The following EXOC4 variants were observed in gnomAD, a reference collection of about 807,000 sequenced individuals.
The protein encoded by EXOC4 is SEC8-like 1.
A neutral mutation model predicts 107.2 loss-of-function variants in EXOC4; 71 were observed. The observed-to-expected ratio is 0.66, with a 90% CI of 0.55 to 0.81. The LOEUF (loss-of-function observed/expected upper bound fraction) is 0.81, where lower values mean the gene tolerates loss of function less well. EXOC4 is among the 30% of genes least tolerant of loss of function. The pLI, the probability that EXOC4 is intolerant of heterozygous loss-of-function variation, is 0.00. For synonymous variants in EXOC4, 456 were observed against 441.2 expected, an observed-to-expected ratio of 1.03 and a Z score of -0.42; for missense variants, 1,108 against 1,189.6, an observed-to-expected ratio of 0.93 and a Z score of 1.01.
chr7:133,485,612 T>G (rs1799254866), intron 9 of EXOC4, among the ~76,000 whole-genome samples: 1 of 152,228 alleles, frequency 6.6e-6, no homozygotes, highest in African/African-American at 2.4e-5. Context: ...TTTCTTAATA[T>G]GTACATGTCT....
chr7:133,661,673 A>AAAAAG (rs1793683938), intron 10 of EXOC4, among the ~76,000 whole-genome samples: 1 of 20,566 alleles, frequency 4.9e-5, no homozygotes, highest in Non-Finnish European at 1.2e-4. Flanking sequence ...CCTTAAAACT[A>AAAAAG]AAAAAAAAAA....
At chr7:133,389,266 T>C (rs1241397148) in intron 7 of EXOC4, among the ~76,000 whole-genome samples, 1 of 151,984 alleles carries the variant, frequency 6.6e-6, no homozygotes, top group African/African-American at 2.4e-5. Context: ...CCTTTTAGGC[T>C]TAACTATAAG....
chr7:133,823,881 T>TA (rs1563014983), intron 11 of EXOC4, among the ~76,000 whole-genome samples: 2 of 19,830 alleles, frequency 1.0e-4, no homozygotes, highest in South Asian at 2.1e-3. Flanking sequence ...ATTATATATA[T>TA]ATATATATAT....
intron 9 of EXOC4, among the ~76,000 whole-genome samples, chr7:133,599,249 C>T (rs956795148): frequency 1.3e-5 from 2 of 152,148 alleles, no homozygotes; most frequent in Non-Finnish European, 2.9e-5. Context: ...TATAAAGCCT[C>T]ATCTCTTAAT....
intron 9 of EXOC4, among the ~76,000 whole-genome samples, chr7:133,514,428 C>T (rs185357821): frequency 1.3e-5 from 2 of 152,276 alleles, no homozygotes. Flanking sequence ...TTCCAAAGTG[C>T]TGGGATTACA....
intron 7 of EXOC4, among the ~76,000 whole-genome samples, chr7:133,423,787 T>C (rs1177977441): frequency 6.6e-6 from 1 of 151,934 alleles, no homozygotes; most frequent in Admixed American, 6.6e-5. Flanking sequence ...GCGCAGGCCT[T>C]GTGGCCGGCA....
At chr7:133,800,168 T>A (rs992272622) in intron 10 of EXOC4, among the ~76,000 whole-genome samples, 1 of 152,060 alleles carries the variant, frequency 6.6e-6, no homozygotes, top group African/African-American at 2.4e-5. Flanking sequence ...TTAAGTTAGG[T>A]AATGAATGTG....
intron 10 of EXOC4, among the ~76,000 whole-genome samples, chr7:133,648,271 G>C (rs1329551087): frequency 6.6e-6 from 1 of 152,106 alleles, no homozygotes; most frequent in Non-Finnish European, 1.5e-5. Flanking sequence ...ATAGGTCTTG[G>C]TCTGAAGTGA....
chr7:133,585,914 C>G (rs188507080), intron 9 of EXOC4, among the ~76,000 whole-genome samples: 166 of 152,052 alleles, frequency 1.1e-3, no homozygotes, highest in African/African-American at 3.6e-3. Flanking sequence ...AGGCTGGTCT[C>G]GAACTCCTGA....
chr7:133,563,860 C>T lies in EXOC4; in HGVS notation c.1418-66185C>T, dbSNP rs554315338. Among the ~76,000 whole-genome samples, 5 of 152,322 alleles carry T rather than the reference C, an allele frequency of 3.3e-5. No individual in the cohort carries two copies. In the East Asian group the frequency reaches 9.7e-4, roughly 29 times the overall value. On this transcript the variant is annotated intron_variant, in intron 9 of 17. Coordinates refer to ENST00000253861, the MANE Select transcript of EXOC4 (RefSeq NM_021807.4). ...CAGAACTGCCAGGAATTATATTACA[C>T]ATTGAGACCACTGATTTTTGACACT... is the stretch of plus-strand genomic sequence containing the variant.
chr7:133,698,953 T>G (rs896547771), intron 10 of EXOC4, among the ~76,000 whole-genome samples: 6 of 23,100 alleles, frequency 2.6e-4, no homozygotes, highest in African/African-American at 7.7e-4. Context: ...AGCATTATAT[T>G]GTATTTCTTG....
rs181352613 is a variant in EXOC4, at chr7:133,495,157, C to A, written c.1417+15019C>A. 1.1e-3 allele frequency among the ~76,000 whole-genome samples: 161 copies of A among 151,786 alleles called. 1 individual carries two copies. Among genetic ancestry groups the A allele is most frequent in the African/African-American group, 3.7e-3 (152 of 41,370 alleles). ...ATCCCAGCTACTAGGGAGGCTGAGG[C>A]AGGAGAATCGCTTGAGGCTGGGAAA... On this transcript the variant is annotated intron_variant, in intron 9 of 17. Transcript: ENST00000253861.
intron 9 of EXOC4, among the ~76,000 whole-genome samples, chr7:133,519,849 AC>A (rs935058894): frequency 1.3e-5 from 2 of 152,194 alleles, no homozygotes; most frequent in Non-Finnish European, 2.9e-5. Flanking sequence ...TTCTATAAGA[AC>A]AGTAGGTTCT....
At chr7:133,710,683 G>T (rs532719764) in intron 10 of EXOC4, among the ~76,000 whole-genome samples, 10 of 151,784 alleles carry the variant, frequency 6.6e-5, no homozygotes, top group Admixed American at 3.3e-4. Flanking sequence ...AAAAAAGTTG[G>T]TAGTTGCAGA....
At chr7:133,276,730 G>A (rs1794002227) in intron 2 of EXOC4, among the ~76,000 whole-genome samples, 1 of 152,062 alleles carries the variant, frequency 6.6e-6, no homozygotes, top group African/African-American at 2.4e-5. Context: ...ATTGGTTAGG[G>A]GACTGGCTGG....
the EXOC4 span, among the ~76,000 whole-genome samples, chr7:134,084,340 C>T: frequency 6.6e-6 from 1 of 152,156 alleles, no homozygotes; most frequent in South Asian, 2.1e-4. Flanking sequence ...GTGTTACAGA[C>T]AGTTTAAAAT....
At chr7:133,855,221 A>T (rs1156671635) in intron 11 of EXOC4, among the ~76,000 whole-genome samples, 1 of 147,996 alleles carries the variant, frequency 6.8e-6, no homozygotes, top group East Asian at 2.0e-4. Context: ...GGCTTACCCC[A>T]GACAATCAGT....
chr7:134,020,445 C>CAGT (rs1795003259), intron 17 of EXOC4, among the ~76,000 whole-genome samples: 2 of 152,148 alleles, frequency 1.3e-5, no homozygotes, highest in Non-Finnish European at 2.9e-5. Context: ...TCTCCTACTG[C>CAGT]AGGCAGCAAA....
At chr7:133,594,813 T>G (rs1253057619) in intron 9 of EXOC4, among the ~76,000 whole-genome samples, 1 of 152,086 alleles carries the variant, frequency 6.6e-6, no homozygotes, top group Admixed American at 6.6e-5. Context: ...TTTTTAAGCC[T>G]ACTCTGGCTC....
Sources: gnomAD v4.1 joint callset for allele counts (sites outside exome capture counted in the v4.1 genomes callset) on GRCh38, gnomAD v4.1.1 for gene constraint, MANE v1.5 for transcripts, NCBI Gene and HGNC (gene_info 2026-07-23, HGNC 2026-07-21) for gene names.